Variants in OTUD7A observed in about 807,000 individuals in gnomAD.
OTUD7A encodes OTU deubiquitinase 7A.
In OTUD7A, 12 loss-of-function variants were observed where a neutral mutation model predicts 65.7. The ratio of observed to expected loss-of-function variants is 0.18; its 90% CI spans 0.12 to 0.30. The LOEUF (loss-of-function observed/expected upper bound fraction) is 0.30, where lower values mean the gene tolerates loss of function less well. Ranked by LOEUF, OTUD7A falls within the 10% of genes least tolerant of loss-of-function variation. The probability of loss-of-function intolerance (pLI) is 1.00; values close to 1 mark genes in which losing one functional copy is unlikely to be tolerated. For missense variants in OTUD7A, 1,148 were observed against 1,304.8 expected (o/e 0.88, Z 1.85); for synonymous variants, 641 against 586.3 (o/e 1.09, Z -1.35).
intron 3 of OTUD7A, among the ~76,000 whole-genome samples, chr15:31,635,137 C>T (rs149662846): frequency 3.9e-5 from 6 of 152,280 alleles, no homozygotes; most frequent in African/African-American, 7.2e-5. Flanking sequence ...GCTTTTAAAC[C>T]CCAAGCAAAG....
At chr15:31,669,951 G>A (rs893549209) in intron 1 of OTUD7A, among the ~76,000 whole-genome samples, 4 of 145,340 alleles carry the variant, frequency 2.8e-5, no homozygotes, top group Non-Finnish European at 5.9e-5. Flanking sequence ...GGGAGAGCAG[G>A]ATCTCCCTTT....
intron 1 of OTUD7A, among the ~76,000 whole-genome samples, chr15:31,764,440 A>G (rs1489366619): frequency 6.6e-6 from 1 of 152,152 alleles, no homozygotes; most frequent in Non-Finnish European, 1.5e-5. Context: ...CAGGCATTAT[A>G]TATTTCTTTA....
chr15:31,631,117 T>G (rs1891135769), intron 3 of OTUD7A, among the ~76,000 whole-genome samples: 1 of 152,244 alleles, frequency 6.6e-6, no homozygotes, highest in African/African-American at 2.4e-5. Flanking sequence ...TGTGTGTATT[T>G]GGTCCTGTCA....
chr15:31,649,818 C>T lies in OTUD7A; in HGVS notation c.151+5278G>A, dbSNP rs1202583644. On this transcript the variant is annotated intron_variant, in intron 3 of 12. Coordinates refer to ENST00000307050, the MANE Select transcript of OTUD7A (RefSeq NM_001382637.1). ...CGACCGGGCTCAGGAAGGTGGATCACAGTTGGAGGTGCTGATGCAGAAAGG... is the reference window on the plus strand; with the variant it reads ...CGACCGGGCTCAGGAAGGTGGATCATAGTTGGAGGTGCTGATGCAGAAAGG... The T allele has an allele frequency of 4.9e-6, 2 of 410,156 alleles. 1 individual carries two copies. Among genetic ancestry groups the T allele is most frequent in the Admixed American group, 4.9e-5 (2 of 40,476 alleles). The allele number at this position is 410,156 out of a possible 1,614,324, so 25.4% of individuals were successfully genotyped here.
chr15:31,848,159 G>A (rs1211887005), intron 1 of OTUD7A, among the ~76,000 whole-genome samples: 2 of 152,220 alleles, frequency 1.3e-5, no homozygotes, highest in Non-Finnish European at 2.9e-5. Flanking sequence ...TGGCTTACAG[G>A]AGCGGCCTCA....
At chr15:31,728,068 G>A (rs969382602) in intron 1 of OTUD7A, among the ~76,000 whole-genome samples, 2 of 152,124 alleles carry the variant, frequency 1.3e-5, no homozygotes, top group African/African-American at 2.4e-5. Flanking sequence ...TGACCACTTA[G>A]TCTCCACTTG....
chr15:31,621,105 A>G (rs1159618406), intron 3 of OTUD7A, among the ~76,000 whole-genome samples: 1 of 151,326 alleles, frequency 6.6e-6, no homozygotes, highest in East Asian at 1.9e-4. Context: ...CCTGAGTACT[A>G]GTTTGATTGC....
At chr15:31,608,712 G>C (rs1566941891) in intron 3 of OTUD7A, among the ~76,000 whole-genome samples, 1 of 152,196 alleles carries the variant, frequency 6.6e-6, no homozygotes, top group Non-Finnish European at 1.5e-5. Context: ...TACAGGATGG[G>C]ATAGAAGCAA....
At chr15:31,572,731 A>G (rs1889089325) in intron 3 of OTUD7A, among the ~76,000 whole-genome samples, 1 of 152,216 alleles carries the variant, frequency 6.6e-6, no homozygotes, top group Non-Finnish European at 1.5e-5. Context: ...CTCAGGGGAA[A>G]AAGGAGTCAA....
intron 3 of OTUD7A, among the ~76,000 whole-genome samples, chr15:31,638,951 G>A (rs143566043): frequency 2.0e-5 from 3 of 151,976 alleles, no homozygotes; most frequent in Non-Finnish European, 2.9e-5. Flanking sequence ...CGGCTAACAC[G>A]GTGAAACCCC....
At chr15:31,830,491 G>A (rs1037663096) in intron 1 of OTUD7A, among the ~76,000 whole-genome samples, 8 of 152,226 alleles carry the variant, frequency 5.3e-5, no homozygotes, top group Non-Finnish European at 1.2e-4. Context: ...TGACAGAAGT[G>A]AGGCTCAGAC....
chr15:31,559,639 GACAC>G (rs751203025), intron 4 of OTUD7A, among the ~76,000 whole-genome samples: 11 of 151,944 alleles, frequency 7.2e-5, no homozygotes, highest in Non-Finnish European at 1.5e-4. Context: ...CATGCATGCA[GACAC>G]ACACATAGAA....
chr15:31,594,554 T>A (rs1398274957), intron 3 of OTUD7A, among the ~76,000 whole-genome samples: 1 of 152,198 alleles, frequency 6.6e-6, no homozygotes, highest in East Asian at 1.9e-4. Flanking sequence ...GGCCAGGTCA[T>A]CAAGCCCAGA....
At chr15:31,842,479 T>C (rs2140995492) in intron 1 of OTUD7A, among the ~76,000 whole-genome samples, 1 of 152,204 alleles carries the variant, frequency 6.6e-6, no homozygotes, top group South Asian at 2.1e-4. Flanking sequence ...CAGCAAGAGA[T>C]CAGATTTTCA....
In OTUD7A at chr15:31,487,674, A is replaced by G. The variant is rs1039497176; in HGVS notation, c.1172-108T>C. ...TGGGTGACAAATGCACCGAGTGGAC[A>G]TCTACACAGATCTGTGCCAGCAGGA... On this transcript the variant is annotated intron_variant, in intron 10 of 12. Transcript: ENST00000307050. The surrounding 1 kb of genome is among the most constrained non-coding windows in gnomAD (Gnocchi z 6.0). 2.6e-6 allele frequency: 2 copies of G among 755,014 alleles called. No homozygotes were observed. The highest frequency in any genetic ancestry group is 1.8e-5 in the African/African-American group (1 of 56,400). The allele number at this position is 755,014 out of a possible 1,614,324, so 46.8% of individuals were successfully genotyped here.
At chr15:31,524,157 T>C (rs756755127) in intron 8 of OTUD7A, among the ~76,000 whole-genome samples, 13 of 152,092 alleles carry the variant, frequency 8.5e-5, no homozygotes, top group Non-Finnish European at 1.6e-4. Flanking sequence ...TTTTTCCCTT[T>C]TTCTTTCTCC....
rs1005959275 is a variant in OTUD7A, at chr15:31,548,115, A to G, written c.550+10854T>C. Among the ~76,000 whole-genome samples the G allele has an allele frequency of 2.7e-5, 4 of 150,786 alleles. No homozygotes were observed. The South Asian group carries it at 8.5e-4, about 32-fold the overall frequency. On this transcript the variant is annotated intron_variant, in intron 5 of 12. Coordinates refer to ENST00000307050, the MANE Select transcript of OTUD7A (RefSeq NM_001382637.1). ...AACTTCATTTGATTTTCTTCCTGAC[A>G]GGACTTGGGGATCAGTCACTCTGTG...
chr15:31,591,149 T>C (rs1889711431), intron 3 of OTUD7A, among the ~76,000 whole-genome samples: 2 of 151,826 alleles, frequency 1.3e-5, no homozygotes, highest in Admixed American at 6.6e-5. Flanking sequence ...GCATAGAACA[T>C]AGAAAGGCTC....
chr15:31,687,759 C>T, intron 1 of OTUD7A, among the ~76,000 whole-genome samples: 1 of 152,104 alleles, frequency 6.6e-6, no homozygotes, highest in Non-Finnish European at 1.5e-5. Flanking sequence ...GACTATGTGA[C>T]AAAGAAAGTC....
Sources: allele counts gnomAD v4.1 joint callset (sites outside exome capture counted in the v4.1 genomes callset), GRCh38; gene constraint gnomAD v4.1.1; non-coding constraint Gnocchi (gnomAD v3.1); transcripts MANE v1.5; gene names NCBI Gene and HGNC (gene_info 2026-07-23, HGNC 2026-07-21).